MUC4: variants seen among roughly 807,000 people sequenced by gnomAD.
MUC4 encodes the protein mucin-4.
In MUC4, 202 loss-of-function variants were observed where a neutral mutation model predicts 257.9. That is an observed-to-expected ratio of 0.78 (90% CI 0.70 to 0.88). MUC4 has a LOEUF of 0.88. Among genes scored for constraint, MUC4 ranks in the 40% least tolerant of loss-of-function variants. MUC4 has a pLI of 0.00. For missense variants in MUC4, 5,976 were observed against 6,513.7 expected, an observed-to-expected ratio of 0.92 and a Z score of 2.84; for synonymous variants, 2,351 against 2,757.1, an observed-to-expected ratio of 0.85 and a Z score of 4.62.
chr3:195,790,941 G>GGT lies in MUC4; in HGVS notation c.637_638dup (p.Leu214ProfsTer2). 6.2e-7 allele frequency: 1 copy of GGT among 1,613,976 alleles called. No homozygotes were observed. The highest frequency in any genetic ancestry group is 1.1e-5 in the South Asian group (1 of 91,076). ...GAGTTGAAGTGGTTCTGTGTGTTAG[G>GGT]GTGCTGGTTTGAGATTCCCTGGTGG... On this transcript the variant is annotated frameshift_variant, in exon 2 of 25. Coordinates refer to ENST00000463781, the MANE Select transcript of MUC4 (RefSeq NM_018406.7). LOFTEE classifies it high-confidence loss of function.
chr3:195,747,725 G>A (rs1210074607), intron 24 of MUC4, among the ~76,000 whole-genome samples: 4 of 152,268 alleles, frequency 2.6e-5, no homozygotes, highest in East Asian at 3.8e-4. Context: ...TTAGCCAGGC[G>A]TGGTGGTGCG....
At chr3:195,799,924 A>C (rs1735083370) in intron 1 of MUC4, among the ~76,000 whole-genome samples, 1 of 152,178 alleles carries the variant, frequency 6.6e-6, no homozygotes. Flanking sequence ...GCCTGTGAAC[A>C]AAGGGGCATG....
rs761700619 is a variant in MUC4 at position 195,783,097 on chromosome 3, C to T, written c.8483G>A (p.Gly2828Asp). 2.8e-6 allele frequency: 2 copies of T among 704,614 alleles called. No homozygotes were observed. Among genetic ancestry groups the T allele is most frequent in the East Asian group, 1.2e-4 (2 of 17,134 alleles). The allele number at this position is 704,614 out of a possible 1,614,324, so 43.6% of individuals were successfully genotyped here. A position where few individuals can be genotyped will look rare whatever the true frequency, so the allele number is the denominator to read the frequency against. The change falls in exon 2 of 25, where the codon GGT becomes GAT. Residue 2828 changes from glycine (G) to aspartate (D), a missense_variant. Physicochemically the swap from Gly to Asp is moderately conservative, Grantham distance 94. Around this residue, in one of 44 missense-constraint regions of MUC4, gnomAD observed 228 missense variants for 206.3 expected, o/e 1.11. Coordinates refer to ENST00000463781, the MANE Select transcript of MUC4 (RefSeq NM_018406.7). The stretch of plus-strand genomic sequence containing the variant: ...GGTGACAGGAAGAGAGGTGGCATGA[C>T]CTGTGAACACTGAGGAAGCGTCGGT... ...PVTDASSVFTGHATSLPVTIP... is the reference protein window; with the variant it reads ...PVTDASSVFTDHATSLPVTIP...
intron 3 of MUC4, among the ~76,000 whole-genome samples, chr3:195,775,245 C>G (rs548703195): frequency 6.6e-6 from 1 of 152,070 alleles, no homozygotes; most frequent in Non-Finnish European, 1.5e-5. Flanking sequence ...CCCTGGCTCC[C>G]GTTGCCTACA....
intron 1 of MUC4, among the ~76,000 whole-genome samples, chr3:195,796,050 C>G (rs886750967): frequency 1.5e-4 from 23 of 151,836 alleles, no homozygotes; most frequent in African/African-American, 4.1e-4. Context: ...AGAAAAAAAC[C>G]TGGCTAAAAA....
At chr3:195,804,544 T>G (rs954389020) in intron 1 of MUC4, among the ~76,000 whole-genome samples, 1 of 152,256 alleles carries the variant, frequency 6.6e-6, no homozygotes, top group Non-Finnish European at 1.5e-5. Context: ...CTGTTTGTCT[T>G]GGGTTTTTCC....
In MUC4 at chr3:195,800,049, G is replaced by A. The variant is rs543738008; in HGVS notation, c.83-8552C>T. ...TCCCAGCACTTTGGGAGGTCGAAGC[G>A]GGTGGATCATTTGAGGTCAGGAGTT... On this transcript the variant is annotated intron_variant, in intron 1 of 24. Transcript: ENST00000463781. Among the ~76,000 whole-genome samples the A allele has an allele frequency of 1.4e-4, 21 of 152,194 alleles. 1 individual carries two copies. The East Asian group carries it at 1.7e-3, about 13-fold the overall frequency.
intron 7 of MUC4, among the ~76,000 whole-genome samples, chr3:195,767,224 T>C (rs1720704501): frequency 6.6e-6 from 1 of 152,102 alleles, no homozygotes; most frequent in African/African-American, 2.4e-5. Flanking sequence ...CCCTCTCTGA[T>C]TCTTAGTTTT....
chr3:195,767,648 CCACCACCACCACCACCAT>C lies in MUC4; in HGVS notation c.13530-915_13530-898del, dbSNP rs1201726681. On this transcript the variant is annotated intron_variant, in intron 7 of 24. Transcript: ENST00000463781. The stretch of plus-strand genomic sequence containing the variant: ...ACCACCATCACCACCACCATCGCCA[CCACCACCACCACCACCAT>C]CACCATCACCACCATCACTGGCCAC... 1.2e-3 allele frequency among the ~76,000 whole-genome samples: 118 copies of C among 95,900 alleles called. 12 individuals are homozygous for C. Among genetic ancestry groups the C allele is most frequent in the African/African-American group, 7.3e-3 (105 of 14,430 alleles). 62.9% of individuals were successfully genotyped at this position (95,900 alleles called of 152,430 possible).
At chr3:195,807,224 C>A (rs1490636878) in intron 1 of MUC4, among the ~76,000 whole-genome samples, 1 of 152,210 alleles carries the variant, frequency 6.6e-6, no homozygotes, top group Non-Finnish European at 1.5e-5. Flanking sequence ...AATCCCAGCA[C>A]TTTGGGAGCC....
Position 195,747,313 on chromosome 3 carries a change from C to T in MUC4, c.16102G>A (p.Ala5368Thr), listed in dbSNP as rs1357932793. The T allele has an allele frequency of 1.2e-6, 2 of 1,614,018 alleles. No individual in the cohort carries two copies. Among genetic ancestry groups the T allele is most frequent in the Admixed American group, 3.3e-5 (2 of 60,014 alleles). The change falls in exon 25 of 25, where the codon GCG (alanine) becomes ACG (threonine). Residue 5368 changes from alanine to threonine, a missense_variant. Ala to Thr is a moderately conservative substitution (Grantham distance 58). This residue lies in a region of MUC4 where 310 missense variants were observed against 242.1 expected (regional missense o/e 1.28). Transcript: ENST00000463781. ...HCEHLSMKLDAFFGIFFGALG... is the reference protein window; with the variant it reads ...HCEHLSMKLDTFFGIFFGALG... ...GCCCCAAAGAAGATGCCGAAGAACG[C>T]GTCGAGTTTCATGCTCAGGTGCTCA...
Position 195,786,230 on chromosome 3 carries a change from A to T in MUC4, c.5350T>A (p.Ser1784Thr), listed in dbSNP as rs1258259416. 2 of 1,477,990 alleles carry T rather than the reference A, an allele frequency of 1.4e-6. No homozygotes were observed. The highest frequency in any genetic ancestry group is 9.1e-7 in the Non-Finnish European group (1 of 1,098,488). 91.6% of individuals were successfully genotyped at this position (1,477,990 alleles called of 1,614,324 possible). The change falls in exon 2 of 25, where the codon TCA (serine) becomes ACA (threonine). Residue 1784 changes from serine (S) to threonine (T), a missense_variant. This residue lies in a region of MUC4 where 19 missense variants were observed against 31.6 expected (regional missense o/e 0.60). Coordinates refer to ENST00000463781, the MANE Select transcript of MUC4 (RefSeq NM_018406.7). The stretch of plus-strand genomic sequence containing the variant: ...CGGGTGGTGTCATCTGTGGAAGCTG[A>T]AGAAAGGCCGGTGACAGGAAGTGGG... ...ATPLPVTGLS[S>T]ASTDDTTRLP...
rs535112636 is a variant in MUC4, at chr3:195,757,893, A to G, written c.14987-565T>C. 2.6e-5 allele frequency among the ~76,000 whole-genome samples: 4 copies of G among 152,376 alleles called. No homozygotes were observed. In the South Asian group the frequency reaches 8.3e-4, roughly 32 times the overall value. On this transcript the variant is annotated intron_variant, in intron 17 of 24. Coordinates refer to ENST00000463781, the MANE Select transcript of MUC4 (RefSeq NM_018406.7). This position sits in a 1 kb window ranked among gnomAD's most constrained non-coding sequence, Gnocchi z 4.8. Reference sequence around the variant, plus strand: ...AAACAGCAGATTGAAAGGAAGTGACAGAGAATAGACGAACGTAATTTCCAG... The same window carrying G: ...AAACAGCAGATTGAAAGGAAGTGACGGAGAATAGACGAACGTAATTTCCAG...
At position 195,763,501 on chromosome 3, in the gene MUC4, A is replaced by G. The variant is rs1449385295; in HGVS notation, c.14185T>C (p.Ser4729Pro). The change falls in exon 12 of 25, where the codon TCA (serine) becomes CCA (proline). Residue 4729 changes from serine to proline, a missense_variant. Physicochemically the swap from Ser to Pro is moderately conservative, Grantham distance 74. Coordinates refer to ENST00000463781, the MANE Select transcript of MUC4 (RefSeq NM_018406.7). ...GCGATGAAGTTGGTGGCCTGGGCTGAGCCAGTCTGGGCGGTGCGGCCCTGA... is the reference window on the plus strand; with the variant it reads ...GCGATGAAGTTGGTGGCCTGGGCTGGGCCAGTCTGGGCGGTGCGGCCCTGA... Reference protein sequence around the residue: ...LLQGRTAQTGSAQATNFIAFA... With the variant: ...LLQGRTAQTGPAQATNFIAFA... 3.2e-6 allele frequency: 5 copies of G among 1,541,078 alleles called. No individual in the cohort carries two copies. Among genetic ancestry groups the G allele is most frequent in the Middle Eastern group, 1.7e-4 (1 of 5,872 alleles).
chr3:195,771,209 T>C (rs868679015), intron 5 of MUC4, among the ~76,000 whole-genome samples: 578 of 23,956 alleles, frequency 0.024, 65 homozygotes, highest in African/African-American at 0.056. Context: ...AGTCTCGTGG[T>C]TGGGTTGGTG....
chr3:195,783,455 CGGTG>C lies in MUC4; in HGVS notation c.8121_8124del (p.Asp2709LeufsTer294). On this transcript the variant is annotated frameshift_variant, in exon 2 of 25. Coordinates refer to ENST00000463781, the MANE Select transcript of MUC4 (RefSeq NM_018406.7). LOFTEE classifies it high-confidence loss of function. Reference sequence around the variant, plus strand: ...TCACCTGTGTATGCTGAGGAAGTGTCGGTGACAGGAAGAGAGGTGGTGTCACCTG... The same window carrying C: ...TCACCTGTGTATGCTGAGGAAGTGTCACAGGAAGAGAGGTGGTGTCACCTG... The C allele has an allele frequency of 1.1e-6, 1 of 893,192 alleles. No individual in the cohort carries two copies. Among genetic ancestry groups the C allele is most frequent in the African/African-American group, 5.6e-5 (1 of 17,834 alleles). The allele number at this position is 893,192 out of a possible 1,614,324, so 55.3% of individuals were successfully genotyped here.
rs577797487 is a variant in MUC4 at position 195,802,317 on chromosome 3, C to T, written c.82+9419G>A. On this transcript the variant is annotated intron_variant, in intron 1 of 24. Transcript: ENST00000463781. ...CCATCGCGTCCTCTTGTTTGCTTTG[C>T]CACATCCTCCCCGTCGCTTTGACTA... 3.9e-4 allele frequency among the ~76,000 whole-genome samples: 59 copies of T among 150,920 alleles called. 1 individual carries two copies. Among genetic ancestry groups the T allele is most frequent in the African/African-American group, 1.3e-3 (55 of 41,100 alleles).
In MUC4 at chr3:195,788,786, A is replaced by G; in HGVS notation, c.2794T>C (p.Phe932Leu). The stretch of plus-strand genomic sequence containing the variant: ...GGAGGTGTGGGTGGGACTGTTGAGA[A>G]GGTGTCGGTTGCCTGGGACGCCAGG... ...ISLASQATDT[F>L]STVPPTPPSI... Residue 932 changes from phenylalanine (F) to leucine (L), a missense_variant, in exon 2 of 25, where the codon TTC (phenylalanine) becomes CTC (leucine). Physicochemically the swap from Phe to Leu is conservative, Grantham distance 22 (BLOSUM62 0). Coordinates refer to ENST00000463781, the MANE Select transcript of MUC4 (RefSeq NM_018406.7). The G allele has an allele frequency of 6.2e-7, 1 of 1,613,830 alleles. No individual in the cohort carries two copies. Among genetic ancestry groups the G allele is most frequent in the Non-Finnish European group, 8.5e-7 (1 of 1,179,838 alleles).
intron 21 of MUC4, chr3:195,751,867 G>C: frequency 5.2e-6 from 1 of 193,486 alleles, no homozygotes; most frequent in South Asian, 1.2e-4. Context: ...CAGGTGCTAT[G>C]ATTGTCCCTG....
Sources: gnomAD v4.1 joint callset for allele counts (sites outside exome capture counted in the v4.1 genomes callset) on GRCh38, gnomAD v4.1.1 for gene constraint, gnomAD v4.1.1 regional missense constraint, Gnocchi (gnomAD v3.1) non-coding constraint, MANE v1.5 for transcripts, NCBI Gene and HGNC (gene_info 2026-07-23, HGNC 2026-07-21) for gene names.